The following SLC33A1 variants were observed in gnomAD, a reference collection of about 807,000 sequenced individuals.
SLC33A1 encodes solute carrier family 33 member 1.
Under a neutral mutation model 50.0 loss-of-function variants are expected in SLC33A1, and 20 were observed. That is an observed-to-expected ratio of 0.40 (90% confidence interval 0.28 to 0.58). The LOEUF is 0.58. Among genes scored for constraint, SLC33A1 ranks in the 20% least tolerant of loss-of-function variants. The pLI, the probability that SLC33A1 is intolerant of heterozygous loss-of-function variation, is 0.44. For missense variants in SLC33A1, 476 were observed against 657.0 expected, an observed-to-expected ratio of 0.72 and a Z score of 3.01; for synonymous variants, 265 against 251.8, an observed-to-expected ratio of 1.05 and a Z score of -0.50.
intron 2 of SLC33A1, among the ~76,000 whole-genome samples, chr3:155,839,373 CAAAAAAAAAA>C (rs1198585213): frequency 1.6e-4 from 3 of 18,296 alleles, no homozygotes; most frequent in Non-Finnish European, 2.0e-4. Flanking sequence ...GACTCTGTCT[CAAAAAAAAAA>C]AAAAAAAAAA....
chr3:155,850,908 C>T (rs574445028), intron 1 of SLC33A1, among the ~76,000 whole-genome samples: 16 of 151,544 alleles, frequency 1.1e-4, no homozygotes, highest in South Asian at 2.1e-4. Context: ...TGAGCCACTG[C>T]ACCAGCCTTG....
At position 155,851,667 on chromosome 3, in the gene SLC33A1, C is replaced by T. The variant is rs183200139; in HGVS notation, c.775+1556G>A. 1.1e-4 allele frequency among the ~76,000 whole-genome samples: 16 copies of T among 152,264 alleles called. No homozygotes were observed. The East Asian group carries it at 2.9e-3, about 28-fold the overall frequency. On this transcript the variant is annotated intron_variant, in intron 1 of 5. Transcript: ENST00000643144. ...TCCTGACCTCAAGTGATCCTCCCAC[C>T]TCAGCCTCCCAAAGTGCTGGGATTA...
At chr3:155,841,641 T>A (rs958661407) in intron 2 of SLC33A1, among the ~76,000 whole-genome samples, 1 of 152,170 alleles carries the variant, frequency 6.6e-6, no homozygotes, top group Non-Finnish European at 1.5e-5. Context: ...TCACCAGTAA[T>A]CCCCGTTTCT....
rs71138683 is a variant in SLC33A1, at chr3:155,849,909, GAATAATAATAATAATAATAAT to G, written c.775+3293_775+3313del. Among the ~76,000 whole-genome samples, 95 of 133,992 alleles carry G rather than the reference GAATAATAATAATAATAATAAT, an allele frequency of 7.1e-4. 1 individual carries two copies. Among genetic ancestry groups the G allele is most frequent in the African/African-American group, 2.2e-3 (82 of 37,470 alleles). The allele number at this position is 133,992 out of a possible 152,430, so 87.9% of individuals were successfully genotyped here. On this transcript the variant is annotated intron_variant, in intron 1 of 5. Coordinates refer to ENST00000643144, the MANE Select transcript of SLC33A1 (RefSeq NM_004733.4). ...GGCGACAGAGCGAGACTCCATCTCAGAATAATAATAATAATAATAATAATAATAATAATAATAATAATAATA... is the reference window on the plus strand; with the variant it reads ...GGCGACAGAGCGAGACTCCATCTCAGAATAATAATAATAATAATAATAATA...
At chr3:155,844,451 ATATATATTTTTTTTTTTTT>A (rs1228166095) in intron 1 of SLC33A1, among the ~76,000 whole-genome samples, 24 of 25,298 alleles carry the variant, frequency 9.5e-4, no homozygotes, top group African/African-American at 2.6e-3. Flanking sequence ...ATATATATAT[ATATATATTTTTTTTTTTTT>A]TTTTTTTTTT....
intron 2 of SLC33A1, among the ~76,000 whole-genome samples, chr3:155,838,575 G>A (rs781169651): frequency 2.2e-4 from 34 of 151,684 alleles, no homozygotes; most frequent in Non-Finnish European, 1.6e-4. Context: ...CAGCTACTCC[G>A]GAGGCTGAGG....
intron 1 of SLC33A1, among the ~76,000 whole-genome samples, chr3:155,851,790 TTA>T (rs1237822373): frequency 1.3e-5 from 2 of 152,164 alleles, no homozygotes; most frequent in African/African-American, 4.8e-5. Context: ...TGCAAAGCAA[TTA>T]TCTCTCAACC....
At chr3:155,848,656 T>C (rs113487780) in intron 1 of SLC33A1, among the ~76,000 whole-genome samples, 14,163 of 152,134 alleles carry the variant, frequency 0.093, 1,948 homozygotes, top group African/African-American at 0.31. Flanking sequence ...CATTCCAGCC[T>C]GGGCAACAAA....
In SLC33A1 at chr3:155,853,959, T is replaced by C. The variant is rs143369231; in HGVS notation, c.39A>G (p.Gln13=). The change falls in exon 1 of 6, where the codon CAA becomes CAG. Residue 13 remains glutamine, a synonymous_variant. Transcript: ENST00000643144. ...AGTGACTGAAATTCCCTGGCCGCCG[T>C]TGCCGGCTGCTGTCCTTGTGGGAGA... ...PTISHKDSSR[Q]RRPGNFSHSL... The C allele has an allele frequency of 6.5e-7, 1 of 1,539,622 alleles. No individual in the cohort carries two copies. Among genetic ancestry groups the C allele is most frequent in the Non-Finnish European group, 8.7e-7 (1 of 1,148,120 alleles).
intron 1 of SLC33A1, among the ~76,000 whole-genome samples, chr3:155,850,169 G>A (rs978945608): frequency 5.9e-5 from 9 of 151,308 alleles, no homozygotes; most frequent in South Asian, 2.1e-4. Flanking sequence ...CCATCACACC[G>A]GGCTAATTTT....
intron 2 of SLC33A1, among the ~76,000 whole-genome samples, chr3:155,836,524 T>TA (rs890650493): frequency 2.0e-5 from 3 of 152,034 alleles, no homozygotes; most frequent in African/African-American, 7.2e-5. Context: ...CTTAAAATGT[T>TA]AAAAAAGTCT....
intron 5 of SLC33A1, among the ~76,000 whole-genome samples, chr3:155,828,980 G>A (rs1022691399): frequency 2.0e-5 from 3 of 149,250 alleles, no homozygotes; most frequent in African/African-American, 7.4e-5. Context: ...TCAGCTCACT[G>A]CAACCTCCGC....
At chr3:155,852,285 G>GC (rs1033095202) in intron 1 of SLC33A1, among the ~76,000 whole-genome samples, 11 of 151,614 alleles carry the variant, frequency 7.3e-5, no homozygotes, top group South Asian at 4.2e-4. Flanking sequence ...TAGTGAGACA[G>GC]CCCCCCCGAC....
chr3:155,822,512 A>T lies in SLC33A1; in HGVS notation c.*5698T>A, dbSNP rs1752115203. ...GGAAGGAGAATCACTTGAACCCAGC[A>T]GGCAGAGGGTGCAGGGAGTCATGCC... On this transcript the variant is annotated 3_prime_UTR_variant, in exon 6 of 6. Coordinates refer to ENST00000643144, the MANE Select transcript of SLC33A1 (RefSeq NM_004733.4). 1 of 147,608 alleles carries T rather than the reference A, an allele frequency of 6.8e-6. No individual in the cohort carries two copies. Among genetic ancestry groups the T allele is most frequent in the African/African-American group, 2.5e-5 (1 of 39,846 alleles). The allele number at this position is 147,608 out of a possible 1,614,324, so 9.1% of individuals were successfully genotyped here. A position where few individuals can be genotyped will look rare whatever the true frequency, so the allele number is the denominator to read the frequency against.
chr3:155,832,709 G>C (rs554372645), intron 4 of SLC33A1, among the ~76,000 whole-genome samples: 3 of 103,608 alleles, frequency 2.9e-5, no homozygotes, highest in African/African-American at 1.3e-4. Context: ...GGGCAAGCAA[G>C]CCAGACTCTG....
chr3:155,845,638 G>T (rs1401504647), intron 1 of SLC33A1, among the ~76,000 whole-genome samples: 2 of 152,154 alleles, frequency 1.3e-5, no homozygotes, highest in East Asian at 1.9e-4. Flanking sequence ...AGTTCAGAGA[G>T]GCCAGGAAAT....
chr3:155,840,738 C>T (rs1045987617), intron 2 of SLC33A1, among the ~76,000 whole-genome samples: 14 of 152,130 alleles, frequency 9.2e-5, no homozygotes, highest in African/African-American at 7.2e-5. Flanking sequence ...CGCTTGAACC[C>T]GGGAGGTGGA....
At chr3:155,850,893 A>C (rs1354076220) in intron 1 of SLC33A1, among the ~76,000 whole-genome samples, 2 of 151,772 alleles carry the variant, frequency 1.3e-5, no homozygotes, top group Non-Finnish European at 2.9e-5. Flanking sequence ...CTGGGATTAC[A>C]GGCGTGAGCC....
intron 1 of SLC33A1, among the ~76,000 whole-genome samples, chr3:155,850,821 T>C (rs1753368201): frequency 6.6e-6 from 1 of 151,900 alleles, no homozygotes; most frequent in Non-Finnish European, 1.5e-5. Flanking sequence ...TTTGCCATGT[T>C]GGCCAGGTTG....
Sources: allele counts gnomAD v4.1 joint callset (sites outside exome capture counted in the v4.1 genomes callset), GRCh38; gene constraint gnomAD v4.1.1; transcripts MANE v1.5; gene names NCBI Gene and HGNC (gene_info 2026-07-23, HGNC 2026-07-21).